PRKAG2: variants seen among roughly 807,000 people sequenced by gnomAD.
The protein encoded by PRKAG2 is 5'-AMP-activated protein kinase subunit gamma-2.
In PRKAG2, 26 loss-of-function variants were observed where a neutral mutation model predicts 69.6. That is an observed-to-expected ratio of 0.37 (90% CI 0.27 to 0.52). The LOEUF (loss-of-function observed/expected upper bound fraction) is 0.52. Among genes scored for constraint, PRKAG2 ranks in the 20% least tolerant of loss-of-function variants. The pLI, the probability that PRKAG2 is intolerant of heterozygous loss-of-function variation, is 0.90. For synonymous variants in PRKAG2, 293 were observed against 285.0 expected (o/e 1.03, Z -0.28); for missense variants, 557 against 740.0 (o/e 0.75, Z 2.87).
chr7:151,591,633 G>A (rs935024276), intron 6 of PRKAG2, among the ~76,000 whole-genome samples: 7 of 152,296 alleles, frequency 4.6e-5, no homozygotes, highest in African/African-American at 1.2e-4. Context: ...ACATGTGTAC[G>A]TGCTACTCTG....
At chr7:151,634,322 C>T (rs1312974220) in intron 4 of PRKAG2, among the ~76,000 whole-genome samples, 6 of 152,046 alleles carry the variant, frequency 3.9e-5, no homozygotes, top group Non-Finnish European at 7.4e-5. Context: ...GCGTTTTACA[C>T]AAAAATTAGC....
chr7:151,679,835 G>A lies in PRKAG2; in HGVS notation c.467-4198C>T, dbSNP rs549885528. 4.6e-5 allele frequency among the ~76,000 whole-genome samples: 7 copies of A among 152,128 alleles called. 1 individual carries two copies. In the East Asian group the frequency reaches 9.7e-4, roughly 21 times the overall value. ...GCCCCGGCACTTTGGGAGGCTGAGG[G>A]AGAAGGATCACTTGAGCCCAGGAGT... On this transcript the variant is annotated intron_variant, in intron 3 of 15. Coordinates refer to ENST00000287878, the MANE Select transcript of PRKAG2 (RefSeq NM_016203.4).
intron 1 of PRKAG2, among the ~76,000 whole-genome samples, chr7:151,871,104 G>C (rs993034309): frequency 1.3e-5 from 2 of 152,196 alleles, no homozygotes; most frequent in Non-Finnish European, 2.9e-5. Flanking sequence ...GCTTGAAACA[G>C]TTCCAGAGAC....
At position 151,807,582 on chromosome 7, in the gene PRKAG2, A is replaced by G. The variant is rs1173252933; in HGVS notation, c.115-21041T>C. 2.0e-5 allele frequency: 9 copies of G among 457,836 alleles called. No individual in the cohort carries two copies. Among genetic ancestry groups the G allele is most frequent in the East Asian group, 7.0e-5 (1 of 14,386 alleles). 28.4% of individuals were successfully genotyped at this position (457,836 alleles called of 1,614,324 possible). Reference sequence around the variant, plus strand: ...AACCCAGCGTAGATGCACAGCTGCCACGGAGGTAGGAAGAATGATTCGTTT... The same window carrying G: ...AACCCAGCGTAGATGCACAGCTGCCGCGGAGGTAGGAAGAATGATTCGTTT... On this transcript the variant is annotated intron_variant, in intron 1 of 15. Transcript: ENST00000287878. The surrounding 1 kb of genome is among the most constrained non-coding windows in gnomAD (Gnocchi z 4.4).
intron 4 of PRKAG2, among the ~76,000 whole-genome samples, chr7:151,649,916 A>G (rs1013818733): frequency 6.6e-6 from 1 of 152,146 alleles, no homozygotes; most frequent in African/African-American, 2.4e-5. Context: ...GGACTCATAC[A>G]GTGCTTTTTA....
In PRKAG2 at chr7:151,850,836, T is replaced by G. The variant is rs537147442; in HGVS notation, c.114+25671A>C. Among the ~76,000 whole-genome samples the G allele has an allele frequency of 2.0e-5, 3 of 151,920 alleles. No individual in the cohort carries two copies. In the South Asian group the frequency reaches 6.2e-4, roughly 32 times the overall value. ...ACTTTGATGCTGAAGATCTAGTCCC[T>G]CCCCCCACAGTCACTGATGGTGTCA... On this transcript the variant is annotated intron_variant, in intron 1 of 15. Transcript: ENST00000287878. The surrounding 1 kb of genome is among the most constrained non-coding windows in gnomAD (Gnocchi z 4.1).
chr7:151,684,452 G>A lies in PRKAG2; in HGVS notation c.467-8815C>T, dbSNP rs1834371079. On this transcript the variant is annotated intron_variant, in intron 3 of 15. Coordinates refer to ENST00000287878, the MANE Select transcript of PRKAG2 (RefSeq NM_016203.4). ...TGGCCTCAGAGGAGTCAGCTCAGAG[G>A]CTTGCTTCATTCTTTGAACATCTGA... 2.6e-5 allele frequency among the ~76,000 whole-genome samples: 4 copies of A among 152,190 alleles called. No homozygotes were observed. The South Asian group carries it at 8.3e-4, about 31-fold the overall frequency.
intron 4 of PRKAG2, among the ~76,000 whole-genome samples, chr7:151,659,959 C>T (rs1563364849): frequency 1.3e-5 from 2 of 152,092 alleles, no homozygotes; most frequent in African/African-American, 4.8e-5. Context: ...CTCGGGAGGC[C>T]GAGGTGGGAG....
chr7:151,866,479 T>A (rs761741195), intron 1 of PRKAG2, among the ~76,000 whole-genome samples: 2 of 152,052 alleles, frequency 1.3e-5, no homozygotes, highest in Admixed American at 1.3e-4. Flanking sequence ...GTCTGGCATA[T>A]AACAAGTGCT....
chr7:151,757,984 G>A (rs779914408), intron 3 of PRKAG2, among the ~76,000 whole-genome samples: 10 of 152,314 alleles, frequency 6.6e-5, no homozygotes, highest in Middle Eastern at 3.4e-3. Context: ...CTGCGGCTCC[G>A]CTTTACCATC....
At chr7:151,706,290 T>C (rs889977411) in intron 3 of PRKAG2, among the ~76,000 whole-genome samples, 11 of 152,306 alleles carry the variant, frequency 7.2e-5, no homozygotes, top group Admixed American at 7.2e-4. Flanking sequence ...GAAATTAATC[T>C]TTCCTCCTAG....
At chr7:151,564,881 G>C (rs1183958219) in intron 13 of PRKAG2, among the ~76,000 whole-genome samples, 1 of 152,154 alleles carries the variant, frequency 6.6e-6, no homozygotes, top group Admixed American at 6.5e-5. Flanking sequence ...TGTGGGGTCA[G>C]TATTGTGGCA....
Position 151,781,117 on chromosome 7 carries a change from A to G in PRKAG2, c.466+35T>C. ...CTGCAGAAGAGACCCCCAGCACCCCAGCACCCACCTGAAACAATAGCATCA... is the reference window on the plus strand; with the variant it reads ...CTGCAGAAGAGACCCCCAGCACCCCGGCACCCACCTGAAACAATAGCATCA... On this transcript the variant is annotated intron_variant, in intron 3 of 15. Coordinates refer to ENST00000287878, the MANE Select transcript of PRKAG2 (RefSeq NM_016203.4). This position sits in a 1 kb window ranked among gnomAD's most constrained non-coding sequence, Gnocchi z 6.1. The G allele has an allele frequency of 6.2e-7, 1 of 1,612,728 alleles. No homozygotes were observed. The highest frequency in any genetic ancestry group is 8.5e-7 in the Non-Finnish European group (1 of 1,179,824).
intron 1 of PRKAG2, among the ~76,000 whole-genome samples, chr7:151,846,442 T>TG (rs59330832): frequency 0.084 from 12,828 of 152,108 alleles, 1,024 homozygotes; most frequent in East Asian, 0.38. Context: ...CACTCCAGCC[T>TG]GACGACAGAA....
chr7:151,774,675 C>T lies in PRKAG2; in HGVS notation c.466+6477G>A, dbSNP rs183811391. On this transcript the variant is annotated intron_variant, in intron 3 of 15. Transcript: ENST00000287878. ...TACAAAAATTAGCCAGGTGTGGTGG[C>T]GGGCGCCTGTAATCCCAGCTACACA... is the stretch of plus-strand genomic sequence containing the variant. Among the ~76,000 whole-genome samples, 939 of 152,136 alleles carry T rather than the reference C, an allele frequency of 6.2e-3. 9 individuals carry two copies. Among genetic ancestry groups the T allele is most frequent in the African/African-American group, 0.022 (894 of 41,502 alleles).
rs149299305 is a variant in PRKAG2 at position 151,672,331 on chromosome 7, G to A, written c.684+3089C>T. Among the ~76,000 whole-genome samples, 71 of 150,934 alleles carry A rather than the reference G, an allele frequency of 4.7e-4. No individual in the cohort carries two copies. The East Asian group carries it at 0.013, about 28-fold the overall frequency. On this transcript the variant is annotated intron_variant, in intron 4 of 15. Coordinates refer to ENST00000287878, the MANE Select transcript of PRKAG2 (RefSeq NM_016203.4). Reference sequence around the variant, plus strand: ...TTAGCCAGGATGGTCTCGATCTCTCGTGATCCACCCACTTCGGCCTCCCAA... The same window carrying A: ...TTAGCCAGGATGGTCTCGATCTCTCATGATCCACCCACTTCGGCCTCCCAA...
chr7:151,651,933 A>G (rs1828593305), intron 4 of PRKAG2, among the ~76,000 whole-genome samples: 1 of 152,216 alleles, frequency 6.6e-6, no homozygotes, highest in Non-Finnish European at 1.5e-5. Flanking sequence ...GAGGCTGGCC[A>G]AAGTGTACAA....
chr7:151,562,820 A>AGGAGGGTGTGGT (rs370394516), intron 14 of PRKAG2, among the ~76,000 whole-genome samples: 1 of 150,732 alleles, frequency 6.6e-6, no homozygotes, highest in Non-Finnish European at 1.5e-5. Flanking sequence ...ACAAAAAATT[A>AGGAGGGTGTGGT]GGCGGGCGCC....
intron 3 of PRKAG2, among the ~76,000 whole-genome samples, chr7:151,710,050 G>A (rs1321633365): frequency 6.6e-6 from 1 of 152,130 alleles, no homozygotes; most frequent in Non-Finnish European, 1.5e-5. Flanking sequence ...AGGGTGGCCG[G>A]AGCCCAGTGA....
Sources: gnomAD v4.1 joint callset for allele counts (sites outside exome capture counted in the v4.1 genomes callset) on GRCh38, gnomAD v4.1.1 for gene constraint, Gnocchi (gnomAD v3.1) non-coding constraint, MANE v1.5 for transcripts, NCBI Gene and HGNC (gene_info 2026-07-23, HGNC 2026-07-21) for gene names.